Variants in RBFOX1 observed in about 807,000 individuals in gnomAD.
RBFOX1 encodes RNA binding protein fox-1 homolog 1.
RBFOX1 carries 8 observed loss-of-function variants against 57.7 expected under a neutral mutation model. The observed-to-expected ratio is 0.14, with a 90% confidence interval of 0.08 to 0.25. The LOEUF (loss-of-function observed/expected upper bound fraction) is 0.25. RBFOX1 is among the 10% of genes least tolerant of loss of function. The pLI is 1.00. For missense variants in RBFOX1, 611 were observed against 548.5 expected (o/e 1.11, Z -1.14); for synonymous variants, 326 against 222.4 (o/e 1.47, Z -4.15).
chr16:6,940,934 C>G (rs899596794), intron 3 of RBFOX1, among the ~76,000 whole-genome samples: 9 of 151,106 alleles, frequency 6.0e-5, no homozygotes, highest in African/African-American at 1.2e-4. Flanking sequence ...GTTTCGATCT[C>G]CTGACCTCGT....
At chr16:6,548,293 A>G (rs901710038) in intron 2 of RBFOX1, among the ~76,000 whole-genome samples, 2 of 152,202 alleles carry the variant, frequency 1.3e-5, no homozygotes, top group African/African-American at 2.4e-5. Context: ...GATCATTTGA[A>G]TCATTTTGGC....
At chr16:6,129,827 A>G (rs36032388) in intron 1 of RBFOX1, among the ~76,000 whole-genome samples, 18,367 of 151,998 alleles carry the variant, frequency 0.12, 1,276 homozygotes, top group East Asian at 0.27. Context: ...TGGTACAAAC[A>G]GTAACTGATT....
chr16:6,485,512 CA>C (rs570420444), intron 2 of RBFOX1, among the ~76,000 whole-genome samples: 34 of 151,794 alleles, frequency 2.2e-4, no homozygotes, highest in Middle Eastern at 3.4e-3. Context: ...ATATGTTTTG[CA>C]CGCTGGAGGA....
At chr16:6,196,280 A>G (rs1275632730) in intron 1 of RBFOX1, among the ~76,000 whole-genome samples, 1 of 152,166 alleles carries the variant, frequency 6.6e-6, no homozygotes, top group Non-Finnish European at 1.5e-5. Context: ...CCTGCACCAG[A>G]GGAAGTTGTG....
At chr16:6,490,022 G>A (rs899684720) in intron 2 of RBFOX1, among the ~76,000 whole-genome samples, 5 of 152,140 alleles carry the variant, frequency 3.3e-5, no homozygotes, top group African/African-American at 1.2e-4. Flanking sequence ...GCCCCATGTG[G>A]TCCATGCCAG....
intron 1 of RBFOX1, among the ~76,000 whole-genome samples, chr16:6,241,841 A>G (rs977149832): frequency 1.3e-5 from 2 of 152,204 alleles, no homozygotes; most frequent in Non-Finnish European, 2.9e-5. Flanking sequence ...GTGCCCATGC[A>G]TGTAAACATG....
intron 1 of RBFOX1, among the ~76,000 whole-genome samples, chr16:5,418,575 C>G (rs141515252): frequency 5.9e-5 from 9 of 152,134 alleles, no homozygotes; most frequent in African/African-American, 2.2e-4. Context: ...TGTCTGTGAG[C>G]TGGAATGTGA....
intron 3 of RBFOX1, among the ~76,000 whole-genome samples, chr16:6,955,693 T>G (rs13332970): frequency 0.016 from 2,431 of 148,464 alleles, 43 homozygotes; most frequent in African/African-American, 0.04. Flanking sequence ...ATGTATGTAT[T>G]TATTTATTTA....
At chr16:5,629,615 A>G (rs1408079690) in intron 3 of RBFOX1, among the ~76,000 whole-genome samples, 1 of 152,124 alleles carries the variant, frequency 6.6e-6, no homozygotes, top group Non-Finnish European at 1.5e-5. Flanking sequence ...TCCACAAGAG[A>G]TCTTGTCCGT....
chr16:5,528,322 T>C (rs1355492389), intron 2 of RBFOX1, among the ~76,000 whole-genome samples: 1 of 152,098 alleles, frequency 6.6e-6, no homozygotes, highest in Non-Finnish European at 1.5e-5. Flanking sequence ...AGAGCGTGAC[T>C]CAGTAGATCT....
intron 4 of RBFOX1, chr16:7,332,901 C>T (rs1410846141): frequency 1.9e-6 from 3 of 1,581,522 alleles, no homozygotes; most frequent in South Asian, 2.3e-5. Context: ...AGGGATTTGG[C>T]TCCCAGCTTT....
chr16:7,090,433 G>A (rs2060636266), intron 4 of RBFOX1, among the ~76,000 whole-genome samples: 1 of 152,088 alleles, frequency 6.6e-6, no homozygotes. Context: ...TAGTCTATAA[G>A]GATGGTCCTG....
At chr16:6,014,233 T>A (rs1287106196), upstream of RBFOX1, among the ~76,000 whole-genome samples, 1 of 148,208 alleles carries the variant, frequency 6.7e-6, no homozygotes, top group Non-Finnish European at 1.5e-5. Flanking sequence ...TTGTAGCTGT[T>A]TTTGTTATCA....
chr16:5,410,428 G>T (rs372909136), intron 1 of RBFOX1, among the ~76,000 whole-genome samples: 1 of 152,058 alleles, frequency 6.6e-6, no homozygotes, highest in East Asian at 1.9e-4. Context: ...CCAGGGAAAG[G>T]TTTCCCAACA....
At chr16:5,462,038 G>C (rs908934942) in intron 1 of RBFOX1, among the ~76,000 whole-genome samples, 1 of 152,114 alleles carries the variant, frequency 6.6e-6, no homozygotes, top group South Asian at 2.1e-4. Context: ...GTGTAGGAGG[G>C]TGCCAGCTCC....
chr16:5,455,987 AG>A (rs1257935355), intron 1 of RBFOX1, among the ~76,000 whole-genome samples: 1 of 152,156 alleles, frequency 6.6e-6, no homozygotes, highest in Non-Finnish European at 1.5e-5. Flanking sequence ...ATTTTTGTTG[AG>A]TTTCATAATG....
intron 4 of RBFOX1, among the ~76,000 whole-genome samples, chr16:7,451,377 A>C (rs187335809): frequency 7.9e-5 from 12 of 152,320 alleles, no homozygotes; most frequent in Admixed American, 7.8e-4. Flanking sequence ...GAAATTTCGG[A>C]GCAGTGAAAT....
intron 2 of RBFOX1, among the ~76,000 whole-genome samples, chr16:5,588,158 A>C (rs1040359643): frequency 1.3e-4 from 20 of 152,204 alleles, no homozygotes; most frequent in African/African-American, 4.3e-4. Flanking sequence ...CCACACAAAT[A>C]AATCCATAAA....
intron 4 of RBFOX1, among the ~76,000 whole-genome samples, chr16:5,969,492 T>A (rs1207624864): frequency 6.7e-6 from 1 of 148,188 alleles, no homozygotes; most frequent in Non-Finnish European, 1.5e-5. Context: ...TTTTTTTTTT[T>A]TTTGTATTTT....
Sources: allele counts gnomAD v4.1 joint callset (sites outside exome capture counted in the v4.1 genomes callset), GRCh38; gene constraint gnomAD v4.1.1; transcripts MANE v1.5; gene names NCBI Gene and HGNC (gene_info 2026-07-23, HGNC 2026-07-21).